TENM4: variants seen among roughly 807,000 people sequenced by gnomAD.
TENM4 encodes the protein teneurin-4.
In TENM4, 82 loss-of-function variants were observed where a neutral mutation model predicts 243.3. The ratio of observed to expected loss-of-function variants is 0.34; its 90% CI spans 0.28 to 0.40. The LOEUF is 0.40. Among genes scored for constraint, TENM4 ranks in the 10% least tolerant of loss-of-function variants. The pLI is 1.00. For missense variants in TENM4, 3,138 were observed against 3,673.3 expected (o/e 0.85, Z 3.77); for synonymous variants, 1,412 against 1,456.3 (o/e 0.97, Z 0.69).
At chr11:78,871,565 A>G (rs1859128764) in intron 9 of TENM4, among the ~76,000 whole-genome samples, 1 of 152,220 alleles carries the variant, frequency 6.6e-6, no homozygotes, top group Admixed American at 6.5e-5. Context: ...GACTGAGCTA[A>G]GCCCAGTTCT....
intron 32 of TENM4, among the ~76,000 whole-genome samples, chr11:78,665,421 G>A (rs1159386492): frequency 9.9e-5 from 15 of 151,954 alleles, no homozygotes; most frequent in East Asian, 5.8e-4. Context: ...ACAGGTGTGC[G>A]CCACCACGCC....
intron 1 of TENM4, among the ~76,000 whole-genome samples, chr11:79,397,413 G>A (rs1442371270): frequency 5.3e-5 from 8 of 152,178 alleles, no homozygotes; most frequent in Non-Finnish European, 1.2e-4. Flanking sequence ...AGTTCTGAGT[G>A]ACTCAAAGCC....
At chr11:79,428,348 A>T (rs1359384562) in intron 1 of TENM4, among the ~76,000 whole-genome samples, 1 of 152,248 alleles carries the variant, frequency 6.6e-6, no homozygotes, top group African/African-American at 2.4e-5. Context: ...TGTCTAAGAG[A>T]TGTAAAATCA....
chr11:79,394,301 G>A (rs917209089), intron 1 of TENM4, among the ~76,000 whole-genome samples: 1 of 152,206 alleles, frequency 6.6e-6, no homozygotes, highest in Non-Finnish European at 1.5e-5. Context: ...TGTGAGGAGG[G>A]TGGCATGCCT....
chr11:78,958,558 G>A (rs192440714), intron 6 of TENM4, among the ~76,000 whole-genome samples: 21 of 152,362 alleles, frequency 1.4e-4, no homozygotes, highest in African/African-American at 5.0e-4. Flanking sequence ...GGGACAATGA[G>A]CTGTTCTGTG....
At chr11:79,126,012 T>C (rs556441399) in intron 4 of TENM4, among the ~76,000 whole-genome samples, 15 of 152,202 alleles carry the variant, frequency 9.9e-5, no homozygotes, top group Admixed American at 5.2e-4. Flanking sequence ...AGAAACAGAG[T>C]TTAATCAGGC....
chr11:79,323,570 T>C lies in TENM4; in HGVS notation c.-320-26027A>G, dbSNP rs1378319527. Among the ~76,000 whole-genome samples the C allele has an allele frequency of 4.6e-5, 7 of 152,320 alleles. No homozygotes were observed. In the South Asian group the frequency reaches 8.3e-4, roughly 18 times the overall value. On this transcript the variant is annotated intron_variant, in intron 1 of 33. Transcript: ENST00000278550. ...GTGAGTCAACTTGATTAAACTATGG[T>C]ACCCAATCGCTTGGTCAAACACTAG...
intron 6 of TENM4, among the ~76,000 whole-genome samples, chr11:79,046,232 G>A (rs1394354920): frequency 6.6e-6 from 1 of 152,192 alleles, no homozygotes; most frequent in Non-Finnish European, 1.5e-5. Context: ...AGGGAGATGG[G>A]GAGGGAGTTG....
chr11:79,349,127 C>T (rs1299002150), intron 1 of TENM4, among the ~76,000 whole-genome samples: 1 of 152,118 alleles, frequency 6.6e-6, no homozygotes, highest in Non-Finnish European at 1.5e-5. Context: ...TGGGGAAGGT[C>T]TCATCCTTCC....
At chr11:78,785,130 T>G (rs1304548111) in intron 16 of TENM4, among the ~76,000 whole-genome samples, 2 of 151,786 alleles carry the variant, frequency 1.3e-5, no homozygotes. Flanking sequence ...GGTTGGTTCA[T>G]CCTCAGTCAT....
At chr11:78,907,707 G>A (rs928862808) in intron 6 of TENM4, among the ~76,000 whole-genome samples, 2 of 152,152 alleles carry the variant, frequency 1.3e-5, no homozygotes, top group Non-Finnish European at 2.9e-5. Flanking sequence ...TAGGCCCTCA[G>A]TAAATATTTA....
intron 12 of TENM4, among the ~76,000 whole-genome samples, chr11:78,842,742 T>C (rs1431737281): frequency 6.6e-6 from 1 of 151,976 alleles, no homozygotes; most frequent in Non-Finnish European, 1.5e-5. Flanking sequence ...CAGACAGAAC[T>C]GGATTCAAAC....
intron 1 of TENM4, among the ~76,000 whole-genome samples, chr11:79,378,541 C>T (rs1240791031): frequency 5.3e-5 from 8 of 152,170 alleles, no homozygotes; most frequent in Non-Finnish European, 1.2e-4. Context: ...TGAACCACTT[C>T]CACACTCCAC....
At chr11:78,990,031 TC>T (rs150532115) in intron 6 of TENM4, among the ~76,000 whole-genome samples, 1,610 of 150,376 alleles carry the variant, frequency 0.011, 36 homozygotes, top group African/African-American at 0.037. Flanking sequence ...ACCACCATAC[TC>T]CAGCCTGGGT....
chr11:79,357,667 A>G (rs1428470713), intron 1 of TENM4, among the ~76,000 whole-genome samples: 1 of 152,250 alleles, frequency 6.6e-6, no homozygotes, highest in African/African-American at 2.4e-5. Context: ...GGAAGACAGT[A>G]TTGCCCATAG....
At chr11:79,053,627 A>G (rs554777992) in intron 6 of TENM4, among the ~76,000 whole-genome samples, 13 of 152,274 alleles carry the variant, frequency 8.5e-5, no homozygotes, top group Middle Eastern at 3.4e-3. Context: ...TCTGCAGTCC[A>G]ATGCCCCTTT....
At chr11:79,345,499 C>T (rs1190256624) in intron 1 of TENM4, among the ~76,000 whole-genome samples, 4 of 152,096 alleles carry the variant, frequency 2.6e-5, no homozygotes, top group African/African-American at 4.8e-5. Flanking sequence ...CTATAACAAG[C>T]GAAATAATGG....
rs1337297251 is a variant in TENM4, at chr11:78,705,369, G to A, written c.4210-2966C>T. Among the ~76,000 whole-genome samples, 4 of 152,332 alleles carry A rather than the reference G, an allele frequency of 2.6e-5. No individual in the cohort carries two copies. In the East Asian group the frequency reaches 7.7e-4, roughly 29 times the overall value. On this transcript the variant is annotated intron_variant, in intron 27 of 33. Coordinates refer to ENST00000278550, the MANE Select transcript of TENM4 (RefSeq NM_001098816.3). ...CCCCTTATGCCATGTGCACAGAGGT[G>A]CCTGGGAAAGGAGAAGGGGCATTGC...
chr11:79,316,426 ACAG>A (rs1856803193), intron 1 of TENM4, among the ~76,000 whole-genome samples: 1 of 152,208 alleles, frequency 6.6e-6, no homozygotes, highest in Non-Finnish European at 1.5e-5. Context: ...GAATATGGGT[ACAG>A]CTTGGCGAAT....
Sources: gnomAD v4.1 joint callset for allele counts (sites outside exome capture counted in the v4.1 genomes callset) on GRCh38, gnomAD v4.1.1 for gene constraint, MANE v1.5 for transcripts, NCBI Gene and HGNC (gene_info 2026-07-23, HGNC 2026-07-21) for gene names.